Variants in BBX observed in about 807,000 individuals in gnomAD.
The protein encoded by BBX is BBX high mobility group box domain containing.
A neutral mutation model predicts 100.2 loss-of-function variants in BBX; 30 were observed. The ratio of observed to expected loss-of-function variants is 0.30; its 90% CI spans 0.22 to 0.41. BBX has a LOEUF of 0.41. BBX is among the 10% of genes least tolerant of loss of function. The pLI, the probability that BBX is intolerant of heterozygous loss-of-function variation, is 1.00. For missense variants in BBX, 1,023 were observed against 1,129.8 expected (o/e 0.91, Z 1.35); for synonymous variants, 376 against 388.1 (o/e 0.97, Z 0.37).
In BBX at chr3:107,801,168, A is replaced by T; in HGVS notation, c.2625A>T (p.Ser875=). Reference sequence around the variant, plus strand: ...AGACAGACTGCAATGACAAATGCTCACACAACACCGAGGTCGGGGAGACGC... The same window carrying T: ...AGACAGACTGCAATGACAAATGCTCTCACAACACCGAGGTCGGGGAGACGC... ...ATETDCNDKC[S]HNTEVGETRS... The change falls in exon 17 of 18, where the codon TCA becomes TCT. Residue 875 remains serine (S), a synonymous_variant. Coordinates refer to ENST00000325805, the MANE Select transcript of BBX (RefSeq NM_001142568.3). 1.2e-6 allele frequency: 2 copies of T among 1,614,188 alleles called. No homozygotes were observed. Among genetic ancestry groups the T allele is most frequent in the Non-Finnish European group, 1.7e-6 (2 of 1,180,000 alleles).
chr3:107,747,163 G>T (rs558209955), intron 8 of BBX, among the ~76,000 whole-genome samples: 1 of 152,040 alleles, frequency 6.6e-6, no homozygotes, highest in Non-Finnish European at 1.5e-5. Context: ...GAAACAAAAG[G>T]TCCCCTAGTT....
intron 13 of BBX, among the ~76,000 whole-genome samples, chr3:107,782,168 A>G (rs2067962086): frequency 6.6e-6 from 1 of 152,114 alleles, no homozygotes; most frequent in Non-Finnish European, 1.5e-5. Flanking sequence ...TTAACAATGC[A>G]TGCATGTCCA....
In BBX at chr3:107,811,033, T is replaced by C. The variant is rs1279863195; in HGVS notation, c.*5576T>C. Reference sequence around the variant, plus strand: ...ATTATTGCTTTCTTAGATGTATGTGTAGTAAAAGTCAATATACACATTTAT... The same window carrying C: ...ATTATTGCTTTCTTAGATGTATGTGCAGTAAAAGTCAATATACACATTTAT... On this transcript the variant is annotated 3_prime_UTR_variant, in exon 18 of 18. Coordinates refer to ENST00000325805, the MANE Select transcript of BBX (RefSeq NM_001142568.3). 6.6e-6 allele frequency: 1 copy of C among 152,204 alleles called. No individual in the cohort carries two copies. Among genetic ancestry groups the C allele is most frequent in the Non-Finnish European group, 1.5e-5 (1 of 68,042 alleles). 9.4% of individuals were successfully genotyped at this position (152,204 alleles called of 1,614,324 possible). A position where few individuals can be genotyped will look rare whatever the true frequency, so the allele number is the denominator to read the frequency against.
intron 3 of BBX, among the ~76,000 whole-genome samples, chr3:107,673,516 T>C (rs2059128167): frequency 6.6e-6 from 1 of 152,124 alleles, no homozygotes; most frequent in African/African-American, 2.4e-5. Flanking sequence ...TATTGTTTCC[T>C]TTTTAACAGT....
intron 3 of BBX, among the ~76,000 whole-genome samples, chr3:107,697,126 C>T (rs1223283444): frequency 6.6e-6 from 1 of 151,710 alleles, no homozygotes. Context: ...TTTTCAACTT[C>T]TTTGCCTTTG....
At chr3:107,687,779 G>T (rs1023428122) in intron 3 of BBX, among the ~76,000 whole-genome samples, 5 of 152,162 alleles carry the variant, frequency 3.3e-5, no homozygotes, top group African/African-American at 1.2e-4. Flanking sequence ...AATGGTCCGG[G>T]CACGGTGGCT....
At chr3:107,641,102 T>TTTTTGATTTAATTTTTCTTTTTTTCCCTG (rs2057174308) in intron 2 of BBX, among the ~76,000 whole-genome samples, 1 of 146,640 alleles carries the variant, frequency 6.8e-6, no homozygotes. Context: ...TTTTTTTTTT[T>TTTTTGATTTAATTTTTCTTTTTTTCCCTG]GAGACTGAAT....
intron 2 of BBX, among the ~76,000 whole-genome samples, chr3:107,636,358 G>A (rs372635863): frequency 5.9e-5 from 9 of 152,146 alleles, no homozygotes; most frequent in African/African-American, 9.7e-5. Context: ...GAGACTGTAC[G>A]ATGAGCAGGC....
chr3:107,594,797 GA>G (rs938332723), intron 2 of BBX, among the ~76,000 whole-genome samples: 9 of 149,632 alleles, frequency 6.0e-5, no homozygotes, highest in African/African-American at 1.5e-4. Flanking sequence ...CTTGCCTGAA[GA>G]AAAAAAAAAT....
intron 2 of BBX, among the ~76,000 whole-genome samples, chr3:107,619,427 A>T (rs905451062): frequency 6.6e-5 from 10 of 152,066 alleles, no homozygotes; most frequent in African/African-American, 2.2e-4. Flanking sequence ...TTTCTTTAAC[A>T]CATTTAGATC....
intron 7 of BBX, among the ~76,000 whole-genome samples, chr3:107,739,447 A>G (rs575547793): frequency 7.0e-4 from 106 of 152,128 alleles, no homozygotes; most frequent in Middle Eastern, 3.2e-3. Context: ...CTTTGGCTGG[A>G]CCTGCCCATC....
At chr3:107,690,190 T>A (rs2060071542) in intron 3 of BBX, among the ~76,000 whole-genome samples, 1 of 152,200 alleles carries the variant, frequency 6.6e-6, no homozygotes, top group South Asian at 2.1e-4. Flanking sequence ...GTCAGAACAA[T>A]GACTTTATTA....
chr3:107,754,637 C>T lies in BBX; in HGVS notation c.826-961C>T, dbSNP rs113262251. Among the ~76,000 whole-genome samples, 165 of 152,302 alleles carry T rather than the reference C, an allele frequency of 1.1e-3. 4 individuals carry two copies. The highest frequency in any genetic ancestry group is 3.7e-3 in the African/African-American group (154 of 41,568). On this transcript the variant is annotated intron_variant, in intron 9 of 17. Transcript: ENST00000325805. ...GGAGCTAACAACTTCGTAGAATCAC[C>T]TGTGGGATCTGTGGTCACCTTTAAG...
intron 5 of BBX, among the ~76,000 whole-genome samples, chr3:107,721,494 A>T (rs2062526610): frequency 6.6e-6 from 1 of 151,910 alleles, no homozygotes; most frequent in Non-Finnish European, 1.5e-5. Context: ...TGGTTTAATT[A>T]GGGGCCCCAC....
chr3:107,550,014 TATTC>T (rs1192956861), intron 2 of BBX, among the ~76,000 whole-genome samples: 2 of 152,148 alleles, frequency 1.3e-5, no homozygotes, highest in African/African-American at 2.4e-5. Context: ...TTTTCCTCCT[TATTC>T]ATTCATTTAT....
chr3:107,652,951 T>C (rs1054781076), intron 3 of BBX, among the ~76,000 whole-genome samples: 2 of 152,224 alleles, frequency 1.3e-5, no homozygotes, highest in Non-Finnish European at 2.9e-5. Flanking sequence ...ATTTTGTGCA[T>C]GTCTGTATTC....
rs1576913802 is a variant in BBX at position 107,808,111 on chromosome 3, A to C, written c.*2654A>C. ...AGTGCTCTCCACCCCACCTTTTGTT[A>C]TCATTTTCATTTCATTTCTCTCATT... On this transcript the variant is annotated 3_prime_UTR_variant, in exon 18 of 18. Coordinates refer to ENST00000325805, the MANE Select transcript of BBX (RefSeq NM_001142568.3). 2 of 152,260 alleles carry C rather than the reference A, an allele frequency of 1.3e-5. No homozygotes were observed. Among genetic ancestry groups the C allele is most frequent in the East Asian group, 3.9e-4 (2 of 5,188 alleles). The allele number at this position is 152,260 out of a possible 1,614,324, so 9.4% of individuals were successfully genotyped here. A position where few individuals can be genotyped will look rare whatever the true frequency, so the allele number is the denominator to read the frequency against.
At chr3:107,712,922 C>T (rs745401269) in intron 4 of BBX, among the ~76,000 whole-genome samples, 20 of 152,184 alleles carry the variant, frequency 1.3e-4, no homozygotes, top group Non-Finnish European at 2.5e-4. Context: ...TTTTCACTCA[C>T]ACTCAGTGGT....
At chr3:107,717,442 T>C (rs1211828044) in intron 5 of BBX, among the ~76,000 whole-genome samples, 1 of 152,146 alleles carries the variant, frequency 6.6e-6, no homozygotes, top group Admixed American at 6.6e-5. Context: ...TTGTATCTTT[T>C]CTAGTGCTAA....
Sources: allele counts gnomAD v4.1 joint callset (sites outside exome capture counted in the v4.1 genomes callset), GRCh38; gene constraint gnomAD v4.1.1; transcripts MANE v1.5; gene names NCBI Gene and HGNC (gene_info 2026-07-23, HGNC 2026-07-21).